The following PTPRK variants were observed in gnomAD, a reference collection of about 807,000 sequenced individuals.
PTPRK encodes the protein protein tyrosine phosphatase receptor type K.
PTPRK carries 75 observed loss-of-function variants against 178.0 expected under a neutral mutation model. That is an observed-to-expected ratio of 0.42 (90% CI 0.35 to 0.51). PTPRK has a LOEUF of 0.51. Ranked by LOEUF, PTPRK falls within the 20% of genes least tolerant of loss-of-function variation. The pLI, the probability that PTPRK is intolerant of heterozygous loss-of-function variation, is 0.02. For synonymous variants in PTPRK, 637 were observed against 620.6 expected (o/e 1.03, Z -0.39); for missense variants, 1,441 against 1,797.8 (o/e 0.80, Z 3.59).
At chr6:128,346,350 T>C in intron 2 of PTPRK, among the ~76,000 whole-genome samples, 1 of 152,086 alleles carries the variant, frequency 6.6e-6, no homozygotes, top group Admixed American at 6.6e-5. Flanking sequence ...AGAGAAGCAG[T>C]CTTTTTTGTG....
intron 15 of PTPRK, 59 bp downstream of exon 15, chr6:128,005,025 A>C: frequency 7.0e-7 from 1 of 1,427,722 alleles, no homozygotes; most frequent in South Asian, 1.3e-5. Context: ...GGTATCGTGT[A>C]GAATTCAAAG....
intron 3 of PTPRK, among the ~76,000 whole-genome samples, chr6:128,297,316 T>C (rs183944929): frequency 0.052 from 7,927 of 152,002 alleles, 691 homozygotes; most frequent in African/African-American, 0.18. Flanking sequence ...GACAGATCAA[T>C]GAGACGGAAA....
At chr6:128,246,693 T>C (rs1402029638) in intron 3 of PTPRK, among the ~76,000 whole-genome samples, 1 of 152,202 alleles carries the variant, frequency 6.6e-6, no homozygotes, top group Admixed American at 6.5e-5. Context: ...ATGCTTGATG[T>C]CAAGCAGTCA....
intron 7 of PTPRK, among the ~76,000 whole-genome samples, chr6:128,146,438 G>GTT: frequency 6.6e-6 from 1 of 151,374 alleles, no homozygotes; most frequent in East Asian, 1.9e-4. Flanking sequence ...GTGTGTGTGT[G>GTT]TGTGTGTGTG....
At chr6:128,169,267 A>G (rs2114637350) in intron 7 of PTPRK, among the ~76,000 whole-genome samples, 1 of 152,230 alleles carries the variant, frequency 6.6e-6, no homozygotes, top group South Asian at 2.1e-4. Flanking sequence ...AATTTGTTTA[A>G]CTATAGTAAT....
chr6:128,324,776 A>G (rs2128322488), intron 2 of PTPRK, among the ~76,000 whole-genome samples: 1 of 152,274 alleles, frequency 6.6e-6, no homozygotes, highest in South Asian at 2.1e-4. Context: ...CTGACTTGAT[A>G]TAACGGCAAT....
At chr6:128,463,741 GTTTTTTTT>G (rs896710320) in intron 1 of PTPRK, among the ~76,000 whole-genome samples, 1 of 96,868 alleles carries the variant, frequency 1.0e-5, no homozygotes, top group Admixed American at 1.0e-4. Flanking sequence ...AATCTTCACG[GTTTTTTTT>G]TTTTTTTTTT....
intron 17 of PTPRK, among the ~76,000 whole-genome samples, chr6:127,996,349 T>G (rs921456763): frequency 6.6e-6 from 1 of 152,098 alleles, no homozygotes. Context: ...ACCCCATGCA[T>G]TTATGTACAA....
chr6:128,168,015 C>A (rs1799662776), intron 7 of PTPRK, among the ~76,000 whole-genome samples: 1 of 152,110 alleles, frequency 6.6e-6, no homozygotes, highest in Non-Finnish European at 1.5e-5. Context: ...CTTTAAAAAT[C>A]TTATTTAAAA....
intron 1 of PTPRK, among the ~76,000 whole-genome samples, chr6:128,516,743 T>G (rs919428860): frequency 6.6e-6 from 1 of 152,050 alleles, no homozygotes; most frequent in Non-Finnish European, 1.5e-5. Context: ...AGAGAGACAA[T>G]AGTCCCTCTC....
At chr6:128,202,692 C>A (rs1806190245) in intron 6 of PTPRK, among the ~76,000 whole-genome samples, 1 of 152,152 alleles carries the variant, frequency 6.6e-6, no homozygotes, top group Non-Finnish European at 1.5e-5. Context: ...GTTCAGTCAA[C>A]TCAATTTGAA....
intron 1 of PTPRK, among the ~76,000 whole-genome samples, chr6:128,450,272 T>C (rs1847618721): frequency 6.6e-6 from 1 of 152,214 alleles, no homozygotes; most frequent in African/African-American, 2.4e-5. Context: ...GCAAGATCAC[T>C]ATTAAGAAAT....
intron 1 of PTPRK, among the ~76,000 whole-genome samples, chr6:128,433,331 T>C (rs1324025274): frequency 6.6e-6 from 1 of 152,146 alleles, no homozygotes; most frequent in Non-Finnish European, 1.5e-5. Context: ...TCTACTTCCA[T>C]GAGATCAACT....
intron 7 of PTPRK, among the ~76,000 whole-genome samples, chr6:128,123,335 T>C (rs1792785613): frequency 1.3e-5 from 2 of 152,180 alleles, no homozygotes; most frequent in Non-Finnish European, 2.9e-5. Context: ...CTTAGGTTGT[T>C]TCAATTCACC....
At chr6:128,511,326 A>C (rs954598663) in intron 1 of PTPRK, among the ~76,000 whole-genome samples, 4 of 152,154 alleles carry the variant, frequency 2.6e-5, no homozygotes, top group African/African-American at 9.7e-5. Context: ...TCCCCATTAG[A>C]AAGATTACAA....
intron 2 of PTPRK, 72 bp from the exon 3 acceptor site, chr6:128,322,382 G>A: frequency 2.2e-6 from 3 of 1,385,624 alleles, no homozygotes; most frequent in Admixed American, 4.1e-5. Flanking sequence ...ATAAAAATAT[G>A]CTAATCCATT....
intron 7 of PTPRK, among the ~76,000 whole-genome samples, chr6:128,105,658 A>G (rs1190919870): frequency 6.6e-6 from 1 of 152,240 alleles, no homozygotes; most frequent in African/African-American, 2.4e-5. Flanking sequence ...GTTACTTGAT[A>G]TTCCCATTTA....
At chr6:128,075,967 C>T (rs756206581) in intron 11 of PTPRK, among the ~76,000 whole-genome samples, 10 of 151,958 alleles carry the variant, frequency 6.6e-5, no homozygotes, top group Non-Finnish European at 1.5e-4. Context: ...CTCCTGGATG[C>T]TCTCAGATTT....
At chr6:128,007,689 A>T (rs555153439) in intron 14 of PTPRK, among the ~76,000 whole-genome samples, 1 of 151,068 alleles carries the variant, frequency 6.6e-6, no homozygotes, top group East Asian at 1.9e-4. Flanking sequence ...AATAAAACTG[A>T]ATAGTTTAGC....
Sources: allele counts gnomAD v4.1 joint callset (sites outside exome capture counted in the v4.1 genomes callset), GRCh38; gene constraint gnomAD v4.1.1; transcripts MANE v1.5; gene names NCBI Gene and HGNC (gene_info 2026-07-23, HGNC 2026-07-21).